Variants in ATP2B2 observed in about 807,000 individuals in gnomAD.
The protein encoded by ATP2B2 is ATPase plasma membrane Ca2+ transporting 2.
ATP2B2 carries 15 observed loss-of-function variants against 120.0 expected under a neutral mutation model. That is an observed-to-expected ratio of 0.12 (90% CI 0.08 to 0.19). The LOEUF (loss-of-function observed/expected upper bound fraction) is 0.19. Among genes scored for constraint, ATP2B2 ranks in the 10% least tolerant of loss-of-function variants. The pLI is 1.00. For synonymous variants in ATP2B2, 694 were observed against 700.3 expected, an observed-to-expected ratio of 0.99 and a Z score of 0.14; for missense variants, 1,045 against 1,719.8, an observed-to-expected ratio of 0.61 and a Z score of 6.94.
chr3:10,402,143 G>T lies in ATP2B2; in HGVS notation c.603C>A (p.Val201=), dbSNP rs13084776. 1.2e-6 allele frequency: 2 copies of T among 1,614,028 alleles called. No homozygotes were observed. Among genetic ancestry groups the T allele is most frequent in the South Asian group, 2.2e-5 (2 of 91,080 alleles). ...KFTVVRAGQV[V]QIPVAEIVVG... ...CCACGATCTCAGCCACAGGGATCTG[G>T]ACCACCTGGCCAGCCCGGACCACGG... is the stretch of plus-strand genomic sequence containing the variant. The change falls in exon 4 of 23, where the codon GTC becomes GTA. Residue 201 remains valine (V), a synonymous_variant. Transcript: ENST00000360273. The surrounding 1 kb of genome is among the most constrained non-coding windows in gnomAD (Gnocchi z 4.9).
intron 1 of ATP2B2, among the ~76,000 whole-genome samples, chr3:10,450,706 G>T (rs1423389605): frequency 6.6e-6 from 1 of 152,232 alleles, no homozygotes; most frequent in Non-Finnish European, 1.5e-5. Context: ...CAGCACCAGG[G>T]ACAGCGGCTT....
chr3:10,437,664 G>T (rs1334135143), intron 2 of ATP2B2, among the ~76,000 whole-genome samples: 2 of 152,222 alleles, frequency 1.3e-5, no homozygotes, highest in Non-Finnish European at 2.9e-5. Context: ...TCTGAGGACT[G>T]AAGTGGTTTT....
intron 1 of ATP2B2, among the ~76,000 whole-genome samples, chr3:10,655,307 C>G (rs2070587949): frequency 9.7e-6 from 1 of 103,298 alleles, no homozygotes; most frequent in Admixed American, 9.3e-5. Flanking sequence ...AGCTGTGCCT[C>G]TGAGTTTGTC....
At chr3:10,626,845 C>T (rs2069714986) in intron 1 of ATP2B2, 2 of 148,416 alleles carry the variant, frequency 1.3e-5, no homozygotes, top group Non-Finnish European at 3.0e-5. Context: ...ATTTCAGTTA[C>T]CTTGATAGAC....
rs2069723769 is a variant in ATP2B2, at chr3:10,627,032, C to T, written c.-459-7071G>A. ...CACTCCCCAGACTCGGATGAGTTGT[C>T]TCCCTTCTCTGGGCCTCCATTTCCC... On this transcript the variant is annotated intron_variant, in intron 1 of 21. Coordinates refer to the ATP2B2 transcript ENST00000646379. Among the ~76,000 whole-genome samples the T allele has an allele frequency of 2.6e-5, 4 of 152,220 alleles. No individual in the cohort carries two copies. In the South Asian group the frequency reaches 8.3e-4, roughly 31 times the overall value.
chr3:10,688,429 G>A (rs2071576304), intron 1 of ATP2B2, among the ~76,000 whole-genome samples: 1 of 152,176 alleles, frequency 6.6e-6, no homozygotes, highest in Non-Finnish European at 1.5e-5. Flanking sequence ...TAGAATGGGG[G>A]CTTGTCTTAC....
chr3:10,695,251 G>GGAGAGAGAGAGAGAGAGAGAGAGA (rs140200422), intron 1 of ATP2B2, among the ~76,000 whole-genome samples: 4 of 126,908 alleles, frequency 3.2e-5, no homozygotes, highest in Admixed American at 1.6e-4. Flanking sequence ...AGGGAGGGAG[G>GGAGAGAGAGAGAGAGAGAGAGAGA]GAGAGAGAGA....
chr3:10,581,732 T>G (rs929525782), intron 2 of ATP2B2, among the ~76,000 whole-genome samples: 5 of 152,214 alleles, frequency 3.3e-5, no homozygotes, highest in African/African-American at 1.2e-4. Flanking sequence ...AAAAAACTCC[T>G]CCAAGGGCAC....
chr3:10,557,921 G>A (rs1317666737), intron 2 of ATP2B2, among the ~76,000 whole-genome samples: 1 of 151,890 alleles, frequency 6.6e-6, no homozygotes, highest in East Asian at 1.9e-4. Flanking sequence ...GGCCAGGCAT[G>A]CCTCCAGTGT....
intron 1 of ATP2B2, among the ~76,000 whole-genome samples, chr3:10,653,483 C>T (rs1460968456): frequency 6.6e-6 from 1 of 152,180 alleles, no homozygotes; most frequent in African/African-American, 2.4e-5. Flanking sequence ...AGAAACCAGG[C>T]AGGGCCTCAA....
At chr3:10,386,350 G>A (rs987787451) in intron 7 of ATP2B2, 130 bp downstream of exon 7, 5 of 985,604 alleles carry the variant, frequency 5.1e-6, no homozygotes, top group Non-Finnish European at 8.0e-6. Flanking sequence ...AGGAGGGTCT[G>A]GGGGGTGGAG....
intron 1 of ATP2B2, among the ~76,000 whole-genome samples, chr3:10,504,655 AACCC>A (rs1575430335): frequency 1.3e-5 from 2 of 151,714 alleles, no homozygotes; most frequent in East Asian, 3.9e-4. Flanking sequence ...TGCTGTCCGC[AACCC>A]ACCCTCAGGG....
intron 2 of ATP2B2, among the ~76,000 whole-genome samples, chr3:10,591,878 C>T (rs889125632): frequency 6.6e-6 from 1 of 152,160 alleles, no homozygotes; most frequent in African/African-American, 2.4e-5. Context: ...GCATCTTCAT[C>T]AGCCAGGGAT....
chr3:10,508,337 C>T (rs1005006460), upstream of ATP2B2, among the ~76,000 whole-genome samples: 25 of 152,326 alleles, frequency 1.6e-4, no homozygotes, highest in African/African-American at 5.3e-4. Context: ...TTCCTGATTC[C>T]ACCAACTGAG....
At chr3:10,351,869 G>A (rs2060588753) in intron 14 of ATP2B2, among the ~76,000 whole-genome samples, 1 of 152,216 alleles carries the variant, frequency 6.6e-6, no homozygotes, top group Non-Finnish European at 1.5e-5. Context: ...TGAGAGAGAG[G>A]CAGAGACAGC....
intron 2 of ATP2B2, among the ~76,000 whole-genome samples, chr3:10,578,449 A>C (rs2125556642): frequency 6.6e-6 from 1 of 151,802 alleles, no homozygotes; most frequent in South Asian, 2.1e-4. Flanking sequence ...CGGGAGGTTG[A>C]GGCAGGAGAA....
rs904473082 is a variant in ATP2B2 at position 10,613,704 on chromosome 3, A to G, written c.-415+6213T>C. Among the ~76,000 whole-genome samples the G allele has an allele frequency of 2.6e-5, 4 of 151,776 alleles. No homozygotes were observed. In the South Asian group the frequency reaches 8.4e-4, roughly 32 times the overall value. On this transcript the variant is annotated intron_variant, in intron 2 of 21. Transcript: ENST00000646379. ...CCTGGCCCGGCTGCCATCATCTCTT[A>G]CCCGGATAATGGTAACATTCTCCCT...
intron 12 of ATP2B2, among the ~76,000 whole-genome samples, chr3:10,366,380 A>T (rs2061058786): frequency 6.6e-6 from 1 of 152,118 alleles, no homozygotes; most frequent in Admixed American, 6.5e-5. Flanking sequence ...TGTACTGGGG[A>T]CCTGGGGCTT....
At chr3:10,516,503 C>T (rs1440838452) in intron 3 of ATP2B2, among the ~76,000 whole-genome samples, 1 of 152,242 alleles carries the variant, frequency 6.6e-6, no homozygotes, top group African/African-American at 2.4e-5. Flanking sequence ...TAGCTGCCAG[C>T]ACCTCAGATA....
Sources: allele counts gnomAD v4.1 joint callset (sites outside exome capture counted in the v4.1 genomes callset), GRCh38; gene constraint gnomAD v4.1.1; non-coding constraint Gnocchi (gnomAD v3.1); transcripts MANE v1.5; gene names NCBI Gene and HGNC (gene_info 2026-07-23, HGNC 2026-07-21).